EXOC4: variants seen among roughly 807,000 people sequenced by gnomAD.
EXOC4 encodes the protein exocyst complex component 4, also known as SEC8-like 1.
EXOC4 carries 71 observed loss-of-function variants against 107.2 expected under a neutral mutation model. The observed-to-expected ratio is 0.66, with a 90% confidence interval of 0.55 to 0.81. The LOEUF is 0.81. Among genes scored for constraint, EXOC4 ranks in the 30% least tolerant of loss-of-function variants. The pLI, the probability that EXOC4 is intolerant of heterozygous loss-of-function variation, is 0.00. For missense variants in EXOC4, 1,108 were observed against 1,189.6 expected, an observed-to-expected ratio of 0.93 and a Z score of 1.01; for synonymous variants, 456 against 441.2, an observed-to-expected ratio of 1.03 and a Z score of -0.42.
At chr7:133,613,359 C>T (rs1000683669) in intron 9 of EXOC4, among the ~76,000 whole-genome samples, 5 of 152,084 alleles carry the variant, frequency 3.3e-5, no homozygotes, top group Non-Finnish European at 1.5e-5. Context: ...TTGCTGATAC[C>T]GTGAGCTCAA....
At chr7:133,842,632 A>G (rs1798045539) in intron 11 of EXOC4, among the ~76,000 whole-genome samples, 1 of 152,222 alleles carries the variant, frequency 6.6e-6, no homozygotes, top group South Asian at 2.1e-4. Flanking sequence ...TTTGCTATGC[A>G]GAAGCTCTTT....
At chr7:133,751,828 G>T (rs1322112401) in intron 10 of EXOC4, among the ~76,000 whole-genome samples, 1 of 151,232 alleles carries the variant, frequency 6.6e-6, no homozygotes, top group East Asian at 1.9e-4. Context: ...TATATTCTCT[G>T]AATTTTCTAA....
intron 14 of EXOC4, among the ~76,000 whole-genome samples, chr7:133,963,872 A>G (rs2860599): frequency 0.7 from 106,801 of 152,022 alleles, 37,948 homozygotes; most frequent in East Asian, 0.91. Context: ...GACATGAGTT[A>G]AATTAATGCA....
chr7:133,606,967 A>G (rs1304267333), intron 9 of EXOC4, among the ~76,000 whole-genome samples: 1 of 152,110 alleles, frequency 6.6e-6, no homozygotes, highest in Non-Finnish European at 1.5e-5. Context: ...GTACTCATTT[A>G]TAGACCCTAG....
intron 10 of EXOC4, among the ~76,000 whole-genome samples, chr7:133,655,014 C>T (rs553528268): frequency 6.6e-6 from 1 of 152,228 alleles, no homozygotes; most frequent in East Asian, 1.9e-4. Flanking sequence ...TAAAGTTGCT[C>T]TGGGTGAGTC....
rs566761999 is a variant in EXOC4, at chr7:133,650,198, A to G, written c.1514+20057A>G. On this transcript the variant is annotated intron_variant, in intron 10 of 17. Coordinates refer to ENST00000253861, the MANE Select transcript of EXOC4 (RefSeq NM_021807.4). ...GTTCTCTCACATGGCATGATTAGCA[A>G]TTGTGTGTGAAATGATTATGTGGCA... Among the ~76,000 whole-genome samples the G allele has an allele frequency of 1.1e-4, 17 of 152,104 alleles. No homozygotes were observed. The East Asian group carries it at 3.1e-3, about 28-fold the overall frequency.
chr7:134,081,345 G>A, the EXOC4 span, among the ~76,000 whole-genome samples: 470 of 152,012 alleles, frequency 3.1e-3, 2 homozygotes, highest in African/African-American at 0.01. Flanking sequence ...GCAAGACTCC[G>A]CCTCAAAAAA....
intron 9 of EXOC4, among the ~76,000 whole-genome samples, chr7:133,577,696 TA>T (rs899468016): frequency 2.0e-5 from 3 of 152,192 alleles, no homozygotes; most frequent in Non-Finnish European, 4.4e-5. Context: ...ATTTAGCAAT[TA>T]TGATCAATGT....
In EXOC4 at chr7:133,957,357, G is replaced by T. The variant is rs543140298; in HGVS notation, c.2206+19288G>T. On this transcript the variant is annotated intron_variant, in intron 14 of 17. Coordinates refer to ENST00000253861, the MANE Select transcript of EXOC4 (RefSeq NM_021807.4). ...TACTTCCTTAATGCCATATATGCTG[G>T]AAATTTTAGAGTAAATATACATTAA... is the stretch of plus-strand genomic sequence containing the variant. Among the ~76,000 whole-genome samples, 8 of 152,272 alleles carry T rather than the reference G, an allele frequency of 5.3e-5. No homozygotes were observed. In the South Asian group the frequency reaches 1.0e-3, roughly 20 times the overall value.
chr7:133,515,801 A>G (rs1399915463), intron 9 of EXOC4, among the ~76,000 whole-genome samples: 4 of 152,100 alleles, frequency 2.6e-5, no homozygotes, highest in Non-Finnish European at 4.4e-5. Flanking sequence ...TCAAGTTTTT[A>G]CAGAAGTAAA....
At chr7:133,876,801 C>A (rs1173034341) in intron 11 of EXOC4, among the ~76,000 whole-genome samples, 1 of 151,954 alleles carries the variant, frequency 6.6e-6, no homozygotes, top group African/African-American at 2.4e-5. Context: ...AATCTCATTT[C>A]TTTCTTTCTT....
At chr7:133,623,371 A>G (rs576555783) in intron 9 of EXOC4, among the ~76,000 whole-genome samples, 112 of 152,310 alleles carry the variant, frequency 7.4e-4, no homozygotes, top group African/African-American at 2.5e-3. Context: ...TCACTGAGCA[A>G]ACTTTATGTA....
intron 9 of EXOC4, among the ~76,000 whole-genome samples, chr7:133,521,316 A>G (rs962251993): frequency 6.6e-6 from 1 of 152,218 alleles, no homozygotes; most frequent in African/African-American, 2.4e-5. Flanking sequence ...CCCAAAGCAC[A>G]GGAGAAAAAA....
At chr7:133,634,349 A>G (rs1802657168) in intron 10 of EXOC4, among the ~76,000 whole-genome samples, 1 of 152,142 alleles carries the variant, frequency 6.6e-6, no homozygotes, top group African/African-American at 2.4e-5. Flanking sequence ...ACAGTCAGGC[A>G]TGTCTCTTAG....
intron 3 of EXOC4, among the ~76,000 whole-genome samples, chr7:133,305,069 CT>C (rs776307665): frequency 2.1e-3 from 303 of 141,354 alleles, no homozygotes; most frequent in Non-Finnish European, 2.2e-3. Context: ...TGCATGCTGT[CT>C]TTTTTTTTTT....
chr7:133,475,400 GC>G lies in EXOC4; in HGVS notation c.1257del (p.Ser420AlafsTer34), dbSNP rs774152237. On this transcript the variant is annotated frameshift_variant, in exon 8 of 18. Transcript: ENST00000253861. LOFTEE classifies it high-confidence loss of function. ...TGAACCATCAGCTCAACTAAGCTAT[GC>G]CAGCACTGGACGAGAGTTTGCAGCC... ...ASEPSAQLSYASTGREFAAFF... is the reference protein window; with the variant it reads ...ASEPSAQLSYXSTGREFAAFF... The G allele has an allele frequency of 8.7e-6, 14 of 1,613,972 alleles. No homozygotes were observed. The highest frequency in any genetic ancestry group is 1.2e-5 in the Non-Finnish European group (14 of 1,179,962).
Position 133,545,590 on chromosome 7 carries a change from C to G in EXOC4, c.1417+65452C>G, listed in dbSNP as rs564613235. On this transcript the variant is annotated intron_variant, in intron 9 of 17. Transcript: ENST00000253861. Reference sequence around the variant, plus strand: ...TACATTCAAATTTTAAAAAATTTTCCTTTCTGTATTTATTACAGATTCTCC... The same window carrying G: ...TACATTCAAATTTTAAAAAATTTTCGTTTCTGTATTTATTACAGATTCTCC... Among the ~76,000 whole-genome samples, 3 of 152,166 alleles carry G rather than the reference C, an allele frequency of 2.0e-5. No individual in the cohort carries two copies. In the South Asian group the frequency reaches 6.2e-4, roughly 32 times the overall value.
chr7:133,822,485 T>C (rs1357729691), intron 11 of EXOC4, among the ~76,000 whole-genome samples: 2 of 152,244 alleles, frequency 1.3e-5, no homozygotes, highest in Non-Finnish European at 2.9e-5. Context: ...AAGCAAACTT[T>C]CTTCCTCTAT....
downstream of EXOC4, among the ~76,000 whole-genome samples, chr7:134,070,781 GA>G (rs34954864): frequency 6.9e-6 from 1 of 144,568 alleles, no homozygotes; most frequent in African/African-American, 2.5e-5. Flanking sequence ...CAAATAACTG[GA>G]AAAAAAATAA....
Sources: allele counts gnomAD v4.1 joint callset (sites outside exome capture counted in the v4.1 genomes callset), GRCh38; gene constraint gnomAD v4.1.1; transcripts MANE v1.5; gene names NCBI Gene and HGNC (gene_info 2026-07-23, HGNC 2026-07-21).